The following STAU1 variants were observed in gnomAD, a reference collection of about 807,000 sequenced individuals.
STAU1 encodes the protein double-stranded RNA-binding protein Staufen homolog 1.
In STAU1, 13 loss-of-function variants were observed where a neutral mutation model predicts 62.9. The ratio of observed to expected loss-of-function variants is 0.21; its 90% confidence interval spans 0.13 to 0.33. STAU1 has a LOEUF of 0.33. Ranked by LOEUF, STAU1 falls within the 10% of genes least tolerant of loss-of-function variation. The pLI is 1.00. For synonymous variants in STAU1, 269 were observed against 265.1 expected (o/e 1.01, Z -0.14); for missense variants, 571 against 712.1 (o/e 0.80, Z 2.25).
chr20:49,125,642 C>T (rs903505190), intron 6 of STAU1, among the ~76,000 whole-genome samples: 9 of 151,246 alleles, frequency 6.0e-5, no homozygotes, highest in South Asian at 2.1e-4. Flanking sequence ...GTCAGGAGAT[C>T]GAGACCATCC....
rs573528638 is a variant in STAU1 at position 49,172,334 on chromosome 20, T to C, written c.-85+1861A>G. ...TCTAGTTTTAAAACTTTATCAAGCT[T>C]CCGTCTCTCCTTCTCTAGGAGACAT... On this transcript the variant is annotated intron_variant, in intron 2 of 13. Transcript: ENST00000371856. Among the ~76,000 whole-genome samples, 247 of 152,376 alleles carry C rather than the reference T, an allele frequency of 1.6e-3. 1 individual carries two copies. Among genetic ancestry groups the C allele is most frequent in the Middle Eastern group, 3.4e-3 (1 of 294 alleles).
At chr20:49,147,236 G>C (rs1244468625) in intron 5 of STAU1, among the ~76,000 whole-genome samples, 1 of 152,088 alleles carries the variant, frequency 6.6e-6, no homozygotes, top group East Asian at 1.9e-4. Flanking sequence ...TGCACTTTTT[G>C]CTGATATTAA....
intron 6 of STAU1, among the ~76,000 whole-genome samples, chr20:49,135,289 T>C (rs573920904): frequency 2.2e-4 from 33 of 152,354 alleles, no homozygotes; most frequent in African/African-American, 7.0e-4. Context: ...GGATGAACTA[T>C]ATGTCTTTTA....
rs2092269952 is a variant in STAU1 at position 49,114,670 on chromosome 20, G to C, written c.*208C>G. 1.9e-6 allele frequency: 1 copy of C among 533,962 alleles called. No homozygotes were observed. The allele number at this position is 533,962 out of a possible 1,614,324, so 33.1% of individuals were successfully genotyped here. ...TGCGTAGGGACCGCCAGGTCACCGAGTGGCCATCACAACAAACCCCAGCAC... is the reference window on the plus strand; with the variant it reads ...TGCGTAGGGACCGCCAGGTCACCGACTGGCCATCACAACAAACCCCAGCAC... On this transcript the variant is annotated 3_prime_UTR_variant, in exon 14 of 14. Coordinates refer to ENST00000371856, the MANE Select transcript of STAU1 (RefSeq NM_017453.4).
the STAU1 span, among the ~76,000 whole-genome samples, chr20:49,193,895 G>C: frequency 1.3e-5 from 2 of 152,112 alleles, no homozygotes; most frequent in African/African-American, 4.8e-5. Flanking sequence ...CGTGAACCCG[G>C]GAGGCGGAGC....
At chr20:49,202,359 C>G in the STAU1 span, among the ~76,000 whole-genome samples, 2 of 151,868 alleles carry the variant, frequency 1.3e-5, no homozygotes, top group African/African-American at 4.8e-5. Flanking sequence ...GTCGGGAGTT[C>G]GAGATCAGCC....
chr20:49,178,240 A>G (rs2093683443), intron 1 of STAU1, among the ~76,000 whole-genome samples: 1 of 152,210 alleles, frequency 6.6e-6, no homozygotes, highest in Non-Finnish European at 1.5e-5. Context: ...TCCAATTTCA[A>G]AAGATAATCC....
In STAU1 at chr20:49,117,798, A is replaced by C; in HGVS notation, c.1488T>G (p.Leu496=). ...LTRPSEQLDY[L]SRVQGFQVEY... ...TTACCTGGAATCCCTGGACTCTGGA[A>C]AGATAGTCCAGTTGCTCAGAGGGTC... is the stretch of plus-strand genomic sequence containing the variant. The change falls in exon 11 of 14, where the codon CTT becomes CTG. Residue 496 remains leucine (L), a synonymous_variant. Transcript: ENST00000371856. This position sits in a 1 kb window ranked among gnomAD's most constrained non-coding sequence, Gnocchi z 4.6. 6.2e-7 allele frequency: 1 copy of C among 1,612,654 alleles called. No individual in the cohort carries two copies. The highest frequency in any genetic ancestry group is 8.5e-7 in the Non-Finnish European group (1 of 1,179,154).
At chr20:49,118,784 A>G (rs1403334336) in intron 9 of STAU1, among the ~76,000 whole-genome samples, 3 of 152,240 alleles carry the variant, frequency 2.0e-5, no homozygotes, top group Non-Finnish European at 4.4e-5. Flanking sequence ...AAACAAATAA[A>G]TCAAGAATAT....
intron 6 of STAU1, among the ~76,000 whole-genome samples, chr20:49,129,917 T>C (rs2092716164): frequency 6.6e-6 from 1 of 152,182 alleles, no homozygotes; most frequent in South Asian, 2.1e-4. Context: ...CATGAGCCCA[T>C]GAGCCCAGCC....
intron 2 of STAU1, among the ~76,000 whole-genome samples, chr20:49,170,989 A>G (rs2093589759): frequency 6.6e-6 from 1 of 152,228 alleles, no homozygotes; most frequent in African/African-American, 2.4e-5. Flanking sequence ...TTCACTCAAT[A>G]GTCTACAAAA....
intron 3 of STAU1, among the ~76,000 whole-genome samples, chr20:49,155,633 T>A (rs544986028): frequency 1.3e-5 from 2 of 152,296 alleles, no homozygotes; most frequent in Admixed American, 6.5e-5. Flanking sequence ...TCAACTAAAT[T>A]TAATGCATGA....
At chr20:49,183,932 CTT>C (rs543110400) in intron 1 of STAU1, among the ~76,000 whole-genome samples, 4 of 142,728 alleles carry the variant, frequency 2.8e-5, no homozygotes, top group Non-Finnish European at 3.1e-5. Context: ...GTATACATGC[CTT>C]TTTTTTTTTT....
At chr20:49,202,003 G>C in the STAU1 span, among the ~76,000 whole-genome samples, 3 of 148,654 alleles carry the variant, frequency 2.0e-5, no homozygotes, top group African/African-American at 7.4e-5. Context: ...GGCAGATCAC[G>C]AGGCCAGGAG....
At chr20:49,172,798 TTTA>T (rs1037294962) in intron 2 of STAU1, among the ~76,000 whole-genome samples, 3 of 152,112 alleles carry the variant, frequency 2.0e-5, no homozygotes, top group African/African-American at 4.8e-5. Context: ...CCCAAAACAC[TTTA>T]TAATAGGATA....
At chr20:49,189,361 G>T (rs902070835), upstream of STAU1, among the ~76,000 whole-genome samples, 2 of 151,604 alleles carry the variant, frequency 1.3e-5, no homozygotes, top group Admixed American at 6.6e-5. Context: ...TTGGCCAGGC[G>T]CAGTGGCTCA....
At chr20:49,209,409 A>G in the STAU1 span, among the ~76,000 whole-genome samples, 1 of 150,800 alleles carries the variant, frequency 6.6e-6, no homozygotes, top group Middle Eastern at 3.4e-3. Flanking sequence ...AAATTGGCTT[A>G]CAACATAGTG....
intron 1 of STAU1, among the ~76,000 whole-genome samples, chr20:49,186,189 T>C (rs1196177381): frequency 6.6e-6 from 1 of 151,608 alleles, no homozygotes; most frequent in Non-Finnish European, 1.5e-5. Context: ...CTACGAAAAC[T>C]ACAAAAATTA....
chr20:49,140,173 T>C (rs2092977395), intron 5 of STAU1, among the ~76,000 whole-genome samples: 3 of 150,362 alleles, frequency 2.0e-5, no homozygotes, highest in Non-Finnish European at 4.4e-5. Context: ...TGAGACTCCG[T>C]CTCAAAAAAA....
Sources: allele counts gnomAD v4.1 joint callset (sites outside exome capture counted in the v4.1 genomes callset), GRCh38; gene constraint gnomAD v4.1.1; non-coding constraint Gnocchi (gnomAD v3.1); transcripts MANE v1.5; gene names NCBI Gene and HGNC (gene_info 2026-07-23, HGNC 2026-07-21).